NLGN4X: variants seen among roughly 807,000 people sequenced by gnomAD.
NLGN4X encodes the protein neuroligin 4 X-linked, also known as neuroligin-4, X-linked.
A neutral mutation model predicts 40.3 loss-of-function variants in NLGN4X; 3 were observed. The observed-to-expected ratio is 0.07, with a 90% CI of 0.03 to 0.19. NLGN4X has a LOEUF of 0.19. NLGN4X is among the 10% of genes least tolerant of loss of function. The probability of loss-of-function intolerance (pLI) is 1.00; values close to 1 mark genes in which losing one functional copy is unlikely to be tolerated. For missense variants in NLGN4X, 382 were observed against 708.3 expected (o/e 0.54, Z 5.23); for synonymous variants, 270 against 306.8 (o/e 0.88, Z 1.25).
chrX:6,151,635 G>A lies in NLGN4X; in HGVS notation c.-169C>T, dbSNP rs911298604. 19 of 472,471 alleles carry A rather than the reference G, an allele frequency of 4.0e-5. No individual in the cohort carries two copies. The highest frequency in any genetic ancestry group is 5.5e-5 in the Non-Finnish European group (15 of 272,343). 38.9% of individuals were successfully genotyped at this position (472,471 alleles called of 1,213,427 possible). On this transcript the variant is annotated 5_prime_UTR_variant, in exon 2 of 6. The change creates a new upstream start codon in the 5' untranslated region. Coordinates refer to ENST00000381095, the MANE Select transcript of NLGN4X (RefSeq NM_181332.3). ...CCTGAGGTTAAGAACAAGCACAGCCGTTTTCTTGGCAGCCCATTGCAAGGA... is the reference window on the plus strand; with the variant it reads ...CCTGAGGTTAAGAACAAGCACAGCCATTTTCTTGGCAGCCCATTGCAAGGA...
intron 3 of NLGN4X, among the ~76,000 whole-genome samples, chrX:5,981,219 T>C (rs1402671737): frequency 9.0e-6 from 1 of 111,233 alleles, no homozygotes; most frequent in South Asian, 3.8e-4. Flanking sequence ...AAAGACCTAA[T>C]TATCCATGAC....
rs191492675 is a variant in NLGN4X at position 6,013,869 on chromosome X, A to G, written c.625+15411T>C. On this transcript the variant is annotated intron_variant, in intron 3 of 5. Coordinates refer to ENST00000381095, the MANE Select transcript of NLGN4X (RefSeq NM_181332.3). ...AAAACCTCATCTCTAAAATAAAATA[A>G]GAATAAATCAATTTTAAAAAGTGAA... Among the ~76,000 whole-genome samples, 423 of 110,605 alleles carry G rather than the reference A, an allele frequency of 3.8e-3. 4 individuals are homozygous for G. Among genetic ancestry groups the G allele is most frequent in the African/African-American group, 0.013 (405 of 30,437 alleles).
At chrX:5,900,560 CTTTTTTTT>C (rs1163973694) in intron 5 of NLGN4X, among the ~76,000 whole-genome samples, 14 of 45,585 alleles carry the variant, frequency 3.1e-4, no homozygotes, top group African/African-American at 1.1e-3. Context: ...GTTTTTGGTG[CTTTTTTTT>C]TTTTTTTTTT....
At chrX:6,166,410 T>G (rs2040497022) in intron 1 of NLGN4X, among the ~76,000 whole-genome samples, 1 of 111,799 alleles carries the variant, frequency 8.9e-6, no homozygotes, top group Non-Finnish European at 1.9e-5. Context: ...ATATTAATAT[T>G]AATATACCTT....
chrX:5,991,260 TC>T (rs887629771), intron 3 of NLGN4X, among the ~76,000 whole-genome samples: 1 of 110,109 alleles, frequency 9.1e-6, no homozygotes, highest in African/African-American at 3.3e-5. Flanking sequence ...TTTTTTTTTT[TC>T]CCCCAAAGGA....
intron 2 of NLGN4X, among the ~76,000 whole-genome samples, chrX:6,032,236 C>T (rs1486598516): frequency 2.1e-5 from 2 of 93,317 alleles, no homozygotes; most frequent in Non-Finnish European, 4.2e-5. Context: ...CCCCCCCCCC[C>T]CCAAAAAAAA....
intron 2 of NLGN4X, among the ~76,000 whole-genome samples, chrX:6,104,660 G>T (rs2038995194): frequency 9.0e-6 from 1 of 111,235 alleles, no homozygotes; most frequent in Admixed American, 9.6e-5. Context: ...CTATTTAGAT[G>T]ATCAGACTGG....
chrX:5,947,932 A>G (rs1487523228), intron 3 of NLGN4X, among the ~76,000 whole-genome samples: 3 of 112,147 alleles, frequency 2.7e-5, no homozygotes, highest in African/African-American at 9.7e-5. Flanking sequence ...GAGCACAAAA[A>G]TGGAAATATG....
At chrX:5,997,598 A>G (rs1232690119) in intron 3 of NLGN4X, among the ~76,000 whole-genome samples, 39 of 41,679 alleles carry the variant, frequency 9.4e-4, no homozygotes, top group Admixed American at 4.6e-3. Flanking sequence ...ATATATATAT[A>G]CACATATATA....
At position 6,228,807 on chromosome X, in the gene NLGN4X, A is replaced by T. The variant is rs1203761757; in HGVS notation, c.-572T>A. The T allele has an allele frequency of 8.9e-6, 1 of 112,133 alleles. No individual in the cohort carries two copies. Among genetic ancestry groups the T allele is most frequent in the Non-Finnish European group, 1.9e-5 (1 of 53,275 alleles). The allele number at this position is 112,133 out of a possible 1,213,427, so 9.2% of individuals were successfully genotyped here. A position where few individuals can be genotyped will look rare whatever the true frequency, so the allele number is the denominator to read the frequency against. ...ATTACAATTGAAGCAGGAAGGGCCA[A>T]GCTAGTGGCTGAATAAGAGCTCTGT... is the stretch of plus-strand genomic sequence containing the variant. On this transcript the variant is annotated 5_prime_UTR_variant, in exon 1 of 6. The change creates a new upstream start codon in the 5' untranslated region. Transcript: ENST00000381095.
At chrX:6,083,769 G>A (rs1376759312) in intron 2 of NLGN4X, among the ~76,000 whole-genome samples, 1 of 112,235 alleles carries the variant, frequency 8.9e-6, no homozygotes, top group Non-Finnish European at 1.9e-5. Flanking sequence ...ACAGGAGGGT[G>A]CAGAGAGGAA....
intron 5 of NLGN4X, among the ~76,000 whole-genome samples, chrX:5,895,843 A>T (rs2146695427): frequency 8.9e-6 from 1 of 111,741 alleles, no homozygotes; most frequent in South Asian, 3.7e-4. Flanking sequence ...TTTATTATGC[A>T]TGTATTCTTA....
chrX:6,017,870 A>AGGCTAATG (rs1279826868), intron 3 of NLGN4X, among the ~76,000 whole-genome samples: 1 of 111,510 alleles, frequency 9.0e-6, no homozygotes, highest in Non-Finnish European at 1.9e-5. Flanking sequence ...ACCCAACTGT[A>AGGCTAATG]GGCTAATGTA....
intron 3 of NLGN4X, among the ~76,000 whole-genome samples, chrX:5,932,473 G>A (rs998933928): frequency 6.3e-5 from 7 of 111,251 alleles, no homozygotes; most frequent in African/African-American, 2.3e-4. Flanking sequence ...ATTCTTCTAC[G>A]TTAAATATAA....
chrX:5,900,560 CTTTT>C (rs1163973694), intron 5 of NLGN4X, among the ~76,000 whole-genome samples: 50 of 45,564 alleles, frequency 1.1e-3, no homozygotes, highest in African/African-American at 3.3e-3. Flanking sequence ...GTTTTTGGTG[CTTTT>C]TTTTTTTTTT....
intron 3 of NLGN4X, among the ~76,000 whole-genome samples, chrX:5,920,723 C>T (rs907410583): frequency 9.0e-6 from 1 of 110,741 alleles, no homozygotes; most frequent in Non-Finnish European, 1.9e-5. Flanking sequence ...GGGTAGGTGC[C>T]CTTGGGATGG....
At chrX:6,146,643 C>A (rs2040051500) in intron 2 of NLGN4X, among the ~76,000 whole-genome samples, 1 of 108,790 alleles carries the variant, frequency 9.2e-6, no homozygotes, top group South Asian at 4.0e-4. Flanking sequence ...GGACACCTTG[C>A]ATCCAATAAT....
At chrX:6,213,881 C>T (rs769654123) in intron 1 of NLGN4X, among the ~76,000 whole-genome samples, 2 of 111,892 alleles carry the variant, frequency 1.8e-5, no homozygotes, top group Admixed American at 1.9e-4. Flanking sequence ...AATGTCTCTC[C>T]TCTACATAAT....
intron 2 of NLGN4X, among the ~76,000 whole-genome samples, chrX:6,074,154 G>C (rs1247596702): frequency 9.0e-6 from 1 of 111,308 alleles, no homozygotes; most frequent in Non-Finnish European, 1.9e-5. Context: ...GGCTGCAGCA[G>C]GCATATGGGA....
Sources: gnomAD v4.1 joint callset for allele counts (sites outside exome capture counted in the v4.1 genomes callset) on GRCh38, gnomAD v4.1.1 for gene constraint, MANE v1.5 for transcripts, NCBI Gene and HGNC (gene_info 2026-07-23, HGNC 2026-07-21) for gene names.